The following TMEM132B variants were observed in gnomAD, a reference collection of about 807,000 sequenced individuals.
TMEM132B encodes transmembrane protein 132B.
Under a neutral mutation model 90.8 loss-of-function variants are expected in TMEM132B, and 18 were observed. That is an observed-to-expected ratio of 0.20 (90% CI 0.14 to 0.29). TMEM132B has a LOEUF of 0.29. Among genes scored for constraint, TMEM132B ranks in the 10% least tolerant of loss-of-function variants. The pLI, the probability that TMEM132B is intolerant of heterozygous loss-of-function variation, is 1.00. For synonymous variants in TMEM132B, 504 were observed against 523.3 expected, an observed-to-expected ratio of 0.96 and a Z score of 0.50; for missense variants, 1,096 against 1,326.8, an observed-to-expected ratio of 0.83 and a Z score of 2.70.
intron 4 of TMEM132B, among the ~76,000 whole-genome samples, chr12:125,542,582 T>G (rs1883985980): frequency 6.6e-6 from 1 of 152,130 alleles, no homozygotes; most frequent in Admixed American, 6.5e-5. Context: ...ATTCATAGAG[T>G]ATTTATTATT....
intron 3 of TMEM132B, among the ~76,000 whole-genome samples, chr12:125,515,380 C>T (rs1226255426): frequency 1.8e-5 from 2 of 110,410 alleles, no homozygotes; most frequent in Non-Finnish European, 3.4e-5. Context: ...ACTCACACCT[C>T]TTTCACACAT....
chr12:125,460,272 C>T lies in TMEM132B; in HGVS notation c.1106+44595C>T, dbSNP rs943925119. On this transcript the variant is annotated intron_variant, in intron 3 of 8. Coordinates refer to ENST00000682704, the MANE Select transcript of TMEM132B (RefSeq NM_001366854.1). The surrounding 1 kb of genome is among the most constrained non-coding windows in gnomAD (Gnocchi z 4.4). The stretch of plus-strand genomic sequence containing the variant: ...TTGGGAGGCCGAGGTGGGTGGATCA[C>T]CTGAGGTCAGGAGTTTGAGACCAGC... Among the ~76,000 whole-genome samples the T allele has an allele frequency of 6.6e-6, 1 of 152,124 alleles. No individual in the cohort carries two copies. Among genetic ancestry groups the T allele is most frequent in the African/African-American group, 2.4e-5 (1 of 41,422 alleles).
At position 125,305,442 on chromosome 12, in the gene TMEM132B, G is replaced by C. The variant is rs528747590; in HGVS notation, c.68-44010G>C. 2.7e-5 allele frequency among the ~76,000 whole-genome samples: 4 copies of C among 149,752 alleles called. 1 individual carries two copies. In the South Asian group the frequency reaches 8.4e-4, roughly 32 times the overall value. On this transcript the variant is annotated intron_variant, in intron 1 of 8. Transcript: ENST00000682704. ...AGCCACATGTCCAAAGCCCAGGGTAGGGGGGGGAAGGCTGTCTGTTAAAAG... is the reference window on the plus strand; with the variant it reads ...AGCCACATGTCCAAAGCCCAGGGTACGGGGGGGAAGGCTGTCTGTTAAAAG...
intron 2 of TMEM132B, among the ~76,000 whole-genome samples, chr12:125,413,390 G>A (rs1460479308): frequency 6.6e-6 from 1 of 151,912 alleles, no homozygotes; most frequent in African/African-American, 2.4e-5. Flanking sequence ...CTGGCAATTA[G>A]TACATTCACA....
In TMEM132B at chr12:125,238,366, C is replaced by CAAAAAAA. The variant is rs762032967; in HGVS notation, c.67+51504_67+51510dup. On this transcript the variant is annotated intron_variant, in intron 1 of 8. Transcript: ENST00000682704. Reference sequence around the variant, plus strand: ...AGACTCCGTCTCAAAAAAAAAAAACCAAAAAAAAAACAAAAAAAAACCAAA... The same window carrying CAAAAAAA: ...AGACTCCGTCTCAAAAAAAAAAAACCAAAAAAAAAAAAAAAAACAAAAAAAAACCAAA... Among the ~76,000 whole-genome samples the CAAAAAAA allele has an allele frequency of 4.5e-5, 5 of 111,586 alleles. 1 individual carries two copies. The highest frequency in any genetic ancestry group is 5.5e-5 in the Non-Finnish European group (3 of 54,766). The allele number at this position is 111,586 out of a possible 152,430, so 73.2% of individuals were successfully genotyped here.
At chr12:125,313,912 G>A (rs1876185333) in intron 1 of TMEM132B, among the ~76,000 whole-genome samples, 1 of 151,700 alleles carries the variant, frequency 6.6e-6, no homozygotes, top group South Asian at 2.1e-4. Flanking sequence ...GGTCCTGTGT[G>A]TCGCCAAAGT....
chr12:125,393,079 C>A (rs961065339), intron 2 of TMEM132B, among the ~76,000 whole-genome samples: 1 of 152,218 alleles, frequency 6.6e-6, no homozygotes, highest in African/African-American at 2.4e-5. Context: ...GAGGCATAAG[C>A]ACCTTCCTTC....
At chr12:125,640,077 A>C (rs1886590171) in intron 5 of TMEM132B, among the ~76,000 whole-genome samples, 1 of 152,122 alleles carries the variant, frequency 6.6e-6, no homozygotes, top group Non-Finnish European at 1.5e-5. Flanking sequence ...TCCTGTCGTC[A>C]GTTCCCACAG....
chr12:125,510,482 A>G (rs780916737), intron 3 of TMEM132B, among the ~76,000 whole-genome samples: 37 of 152,326 alleles, frequency 2.4e-4, no homozygotes, highest in Non-Finnish European at 4.1e-4. Flanking sequence ...AGTATTTACA[A>G]GGGAAAAATA....
At chr12:125,315,462 G>T (rs1178813091) in intron 1 of TMEM132B, among the ~76,000 whole-genome samples, 1 of 152,188 alleles carries the variant, frequency 6.6e-6, no homozygotes, top group African/African-American at 2.4e-5. Context: ...GCCTCCCAAA[G>T]TGCTGAGATT....
intron 6 of TMEM132B, among the ~76,000 whole-genome samples, chr12:125,647,719 A>T (rs1481450988): frequency 6.6e-6 from 1 of 152,162 alleles, no homozygotes; most frequent in East Asian, 1.9e-4. Flanking sequence ...ATGGAAAAGG[A>T]TTTGGAACTT....
intron 4 of TMEM132B, among the ~76,000 whole-genome samples, chr12:125,522,260 A>T (rs1469392939): frequency 3.3e-5 from 5 of 152,126 alleles, no homozygotes; most frequent in African/African-American, 1.2e-4. Context: ...ATGCTTATTT[A>T]TGAGTGTTTG....
At chr12:125,640,891 A>C (rs1237628369) in intron 5 of TMEM132B, among the ~76,000 whole-genome samples, 1 of 151,882 alleles carries the variant, frequency 6.6e-6, no homozygotes, top group Non-Finnish European at 1.5e-5. Flanking sequence ...ATGAACACTG[A>C]ATTAGCGAGT....
At chr12:125,394,468 G>A (rs1879116264) in intron 2 of TMEM132B, among the ~76,000 whole-genome samples, 2 of 152,168 alleles carry the variant, frequency 1.3e-5, no homozygotes, top group African/African-American at 2.4e-5. Context: ...AGAGACACTC[G>A]GGACTTATTG....
chr12:125,550,619 A>T (rs972830399), intron 4 of TMEM132B, among the ~76,000 whole-genome samples: 1 of 152,192 alleles, frequency 6.6e-6, no homozygotes, highest in Non-Finnish European at 1.5e-5. Context: ...ACACCTTCAG[A>T]CTACTTTTTG....
At chr12:125,228,447 A>C (rs1391361930) in intron 1 of TMEM132B, among the ~76,000 whole-genome samples, 1 of 152,182 alleles carries the variant, frequency 6.6e-6, no homozygotes, top group African/African-American at 2.4e-5. Context: ...TGGCCCAGAA[A>C]AGATCTGGGG....
chr12:125,422,999 A>G (rs1039520726), intron 3 of TMEM132B, among the ~76,000 whole-genome samples: 1 of 152,188 alleles, frequency 6.6e-6, no homozygotes, highest in African/African-American at 2.4e-5. Flanking sequence ...AGGCGGCCCA[A>G]TCCTGGATGC....
intron 5 of TMEM132B, among the ~76,000 whole-genome samples, chr12:125,637,184 A>C (rs1330678900): frequency 6.6e-6 from 1 of 152,158 alleles, no homozygotes; most frequent in African/African-American, 2.4e-5. Context: ...CTGAGTTGAA[A>C]CTGGGGATCT....
rs138229592 is a variant in TMEM132B at position 125,470,652 on chromosome 12, G to A, written c.1107-48787G>A. ...ATTCAAGATTGGGCAAAAAGAAATA[G>A]CAAAGAAAATTGTAAAGAAAAGTCC... On this transcript the variant is annotated intron_variant, in intron 3 of 8. Coordinates refer to ENST00000682704, the MANE Select transcript of TMEM132B (RefSeq NM_001366854.1). 2.8e-3 allele frequency among the ~76,000 whole-genome samples: 429 copies of A among 152,240 alleles called. 2 individuals carry two copies. The highest frequency in any genetic ancestry group is 9.7e-3 in the African/African-American group (404 of 41,524).
Sources: gnomAD v4.1 joint callset for allele counts (sites outside exome capture counted in the v4.1 genomes callset) on GRCh38, gnomAD v4.1.1 for gene constraint, Gnocchi (gnomAD v3.1) non-coding constraint, MANE v1.5 for transcripts, NCBI Gene and HGNC (gene_info 2026-07-23, HGNC 2026-07-21) for gene names.